TIAM1: variants seen among roughly 807,000 people sequenced by gnomAD.
TIAM1 encodes the protein rho guanine nucleotide exchange factor TIAM1.
TIAM1 carries 65 observed loss-of-function variants against 163.5 expected under a neutral mutation model. The ratio of observed to expected loss-of-function variants is 0.40; its 90% CI spans 0.33 to 0.49. The LOEUF is 0.49. TIAM1 is among the 20% of genes least tolerant of loss of function. The probability of loss-of-function intolerance (pLI) is 0.77; values close to 1 mark genes in which losing one functional copy is unlikely to be tolerated. For synonymous variants in TIAM1, 833 were observed against 810.1 expected, an observed-to-expected ratio of 1.03 and a Z score of -0.48; for missense variants, 1,789 against 2,044.7, an observed-to-expected ratio of 0.87 and a Z score of 2.41.
At chr21:31,136,322 GACT>G (rs2082620506) in intron 22 of TIAM1, among the ~76,000 whole-genome samples, 1 of 152,038 alleles carries the variant, frequency 6.6e-6, no homozygotes, top group African/African-American at 2.4e-5. Context: ...CAAAATGACA[GACT>G]ACATTTTTTA....
chr21:31,123,523 C>A (rs2082075818), intron 27 of TIAM1, among the ~76,000 whole-genome samples: 1 of 150,202 alleles, frequency 6.7e-6, no homozygotes, highest in Non-Finnish European at 1.5e-5. Flanking sequence ...AGTAACTAGT[C>A]CCCTAAATTA....
At chr21:31,537,968 A>G (rs1031007932) in intron 1 of TIAM1, among the ~76,000 whole-genome samples, 3 of 152,236 alleles carry the variant, frequency 2.0e-5, no homozygotes, top group African/African-American at 7.2e-5. Flanking sequence ...TCTCACAAAC[A>G]TAACAGTGAA....
At chr21:31,152,505 T>G in intron 19 of TIAM1, 131 bp downstream of exon 19, 1 of 1,257,470 alleles carries the variant, frequency 8.0e-7, no homozygotes, top group South Asian at 1.5e-5. Flanking sequence ...CACACTCCAT[T>G]CCCCTCCCTC....
chr21:31,439,851 A>G (rs192364673), intron 2 of TIAM1, among the ~76,000 whole-genome samples: 1 of 152,130 alleles, frequency 6.6e-6, no homozygotes, highest in African/African-American at 2.4e-5. Context: ...ATCTATGTTT[A>G]AAAAAGAGGG....
intron 1 of TIAM1, among the ~76,000 whole-genome samples, chr21:31,532,012 G>A (rs966678271): frequency 1.3e-5 from 2 of 151,902 alleles, no homozygotes. Flanking sequence ...AGCTACTTAG[G>A]GAGCTGAGGT....
At chr21:31,339,888 T>C (rs73902314) in intron 1 of TIAM1, among the ~76,000 whole-genome samples, 10,024 of 152,044 alleles carry the variant, frequency 0.066, 808 homozygotes, top group African/African-American at 0.19. Context: ...ACTGGAGAAG[T>C]GGGTGTTGCA....
In TIAM1 at chr21:31,223,490, T is replaced by C. The variant is rs2087749334; in HGVS notation, c.1911A>G (p.Lys637=). The C allele has an allele frequency of 1.2e-6, 2 of 1,613,774 alleles. No individual in the cohort carries two copies. Among genetic ancestry groups the C allele is most frequent in the Admixed American group, 1.7e-5 (1 of 59,964 alleles). The change falls in exon 8 of 28, where the codon AAA becomes AAG. Residue 637 remains lysine, a synonymous_variant. Transcript: ENST00000541036. ...SLQGGELPNP[K]RLLAFASRPT... The stretch of plus-strand genomic sequence containing the variant: ...GTCGACTTGCAAAAGCGAGAAGCCT[T>C]TTGGGGTTTGGCAGCTCCCCACCCT...
chr21:31,201,222 TTAAG>T (rs1178101493), intron 12 of TIAM1, among the ~76,000 whole-genome samples: 3 of 152,178 alleles, frequency 2.0e-5, no homozygotes, highest in Non-Finnish European at 4.4e-5. Context: ...CTTCCCTTTT[TTAAG>T]TAAGAAAAAA....
At chr21:31,557,577 C>A (rs979166566) in intron 1 of TIAM1, among the ~76,000 whole-genome samples, 2 of 152,140 alleles carry the variant, frequency 1.3e-5, no homozygotes, top group East Asian at 3.9e-4. Context: ...TTGACCTCAG[C>A]GCACAGGCTC....
intron 2 of TIAM1, among the ~76,000 whole-genome samples, chr21:31,291,296 A>C (rs145654670): frequency 1.6e-4 from 25 of 152,302 alleles, no homozygotes; most frequent in African/African-American, 5.3e-4. Context: ...AGTTATACAA[A>C]ACTTTTCTCC....
chr21:31,449,970 T>A (rs1162050292), intron 2 of TIAM1, among the ~76,000 whole-genome samples: 1 of 152,060 alleles, frequency 6.6e-6, no homozygotes, highest in Non-Finnish European at 1.5e-5. Context: ...GGGACTTCCT[T>A]TGGGCAGCCA....
At chr21:31,472,795 C>T (rs1248673714) in intron 1 of TIAM1, among the ~76,000 whole-genome samples, 1 of 152,220 alleles carries the variant, frequency 6.6e-6, no homozygotes, top group East Asian at 1.9e-4. Flanking sequence ...ATAATAACAG[C>T]ATCTAGCTAA....
chr21:31,182,701 G>T (rs2085092133), intron 14 of TIAM1, 56 bp from the exon 15 acceptor site: 1 of 1,536,388 alleles, frequency 6.5e-7, no homozygotes, highest in Non-Finnish European at 8.8e-7. Context: ...GAACACAACA[G>T]CTTAGGAGCT....
rs2300346 is a variant in TIAM1 at position 31,248,043 on chromosome 21, G to C, written c.1412-2383C>G. Among the ~76,000 whole-genome samples, 1,947 of 152,214 alleles carry C rather than the reference G, an allele frequency of 0.013. 113 individuals carry two copies. The East Asian group carries it at 0.19, about 15-fold the overall frequency. ...TGGCATCTAGAGGACAGAGCCTAAA[G>C]AAGCTGTTAAGCATCCACAATGCCC... On this transcript the variant is annotated intron_variant, in intron 5 of 27. Transcript: ENST00000541036.
At chr21:31,333,276 T>G (rs2075735272) in intron 2 of TIAM1, among the ~76,000 whole-genome samples, 1 of 152,122 alleles carries the variant, frequency 6.6e-6, no homozygotes, top group African/African-American at 2.4e-5. Context: ...CCAACTCCGT[T>G]TTTTTCAGCA....
intron 2 of TIAM1, among the ~76,000 whole-genome samples, chr21:31,364,685 G>GTGGA (rs1569267924): frequency 6.6e-6 from 1 of 150,718 alleles, no homozygotes; most frequent in East Asian, 2.0e-4. Flanking sequence ...GGATGGATGG[G>GTGGA]TGGATGGATG....
intron 2 of TIAM1, among the ~76,000 whole-genome samples, chr21:31,296,954 C>CCCGGCCA: frequency 6.6e-6 from 1 of 152,258 alleles, no homozygotes; most frequent in South Asian, 2.1e-4. Context: ...TGAGCCACTG[C>CCCGGCCA]ATCTGGCCTG....
intron 1 of TIAM1, among the ~76,000 whole-genome samples, chr21:31,556,420 A>ATGTT (rs35751298): frequency 0.12 from 17,844 of 152,030 alleles, 1,214 homozygotes; most frequent in Non-Finnish European, 0.16. Flanking sequence ...AGTCGAGTTT[A>ATGTT]TGTTTGTTTG....
intron 15 of TIAM1, among the ~76,000 whole-genome samples, 185 bp from the exon 16 acceptor site, chr21:31,165,250 G>A (rs2084152774): frequency 6.6e-6 from 1 of 152,180 alleles, no homozygotes; most frequent in South Asian, 2.1e-4. Flanking sequence ...GTTACTACTA[G>A]TATTATTACT....
Sources: allele counts gnomAD v4.1 joint callset (sites outside exome capture counted in the v4.1 genomes callset), GRCh38; gene constraint gnomAD v4.1.1; transcripts MANE v1.5; gene names NCBI Gene and HGNC (gene_info 2026-07-23, HGNC 2026-07-21).